The following FMN1 variants were observed in gnomAD, a reference collection of about 807,000 sequenced individuals.
The protein encoded by FMN1 is formin-1.
FMN1 carries 110 observed loss-of-function variants against 132.4 expected under a neutral mutation model. The ratio of observed to expected loss-of-function variants is 0.83; its 90% CI spans 0.71 to 0.97. The LOEUF (loss-of-function observed/expected upper bound fraction) is 0.97, where lower values mean the gene tolerates loss of function less well. FMN1 is among the 50% of genes least tolerant of loss of function. FMN1 has a pLI of 0.00. For missense variants in FMN1, 1,792 were observed against 1,705.3 expected, an observed-to-expected ratio of 1.05 and a Z score of -0.90; for synonymous variants, 722 against 651.7, an observed-to-expected ratio of 1.11 and a Z score of -1.64.
intron 17 of FMN1, among the ~76,000 whole-genome samples, chr15:32,842,289 C>CTGGCT (rs71113477): frequency 0.025 from 3,860 of 152,262 alleles, 57 homozygotes; most frequent in Non-Finnish European, 0.035. Context: ...CAGAGATGCC[C>CTGGCT]AGCCAAGCCC....
At chr15:33,033,548 A>G (rs1343164249) in intron 6 of FMN1, among the ~76,000 whole-genome samples, 3 of 151,580 alleles carry the variant, frequency 2.0e-5, no homozygotes, top group Admixed American at 1.3e-4. Flanking sequence ...CCTACATCAA[A>G]TTTTCCCTCT....
intron 6 of FMN1, among the ~76,000 whole-genome samples, chr15:33,033,394 T>A (rs2036037427): frequency 6.6e-6 from 1 of 152,140 alleles, no homozygotes; most frequent in Non-Finnish European, 1.5e-5. Flanking sequence ...AACTTGCACA[T>A]CCTCCCGCCT....
intron 4 of FMN1, among the ~76,000 whole-genome samples, chr15:33,131,397 T>C (rs1181266009): frequency 6.6e-6 from 1 of 151,978 alleles, no homozygotes; most frequent in Non-Finnish European, 1.5e-5. Flanking sequence ...ATTATTTTTA[T>C]TGACTTTTAT....
chr15:32,921,661 C>T (rs1427545571), intron 10 of FMN1, among the ~76,000 whole-genome samples: 1 of 149,186 alleles, frequency 6.7e-6, no homozygotes, highest in African/African-American at 2.5e-5. Flanking sequence ...CTATATACTC[C>T]AGCTGTGTCT....
chr15:33,038,837 G>A (rs2036299206), intron 6 of FMN1, among the ~76,000 whole-genome samples: 1 of 152,158 alleles, frequency 6.6e-6, no homozygotes, highest in Admixed American at 6.5e-5. Flanking sequence ...TGGAAGCTGA[G>A]GATCTGGAAA....
rs76233036 is a variant in FMN1, at chr15:32,823,023, G to C, written c.3929-18691C>G. Among the ~76,000 whole-genome samples the C allele has an allele frequency of 5.8e-3, 887 of 152,258 alleles. 22 individuals carry two copies. The highest frequency in any genetic ancestry group is 0.037 in the Admixed American group (571 of 15,298). ...CAGCTACTCTATCTTGGGGAGAACA[G>C]AGGAGGGCAGAATGTTCCATGGGGC... On this transcript the variant is annotated intron_variant, in intron 17 of 20. Transcript: ENST00000616417.
chr15:32,792,421 G>A (rs1212158414), intron 19 of FMN1, among the ~76,000 whole-genome samples: 1 of 151,812 alleles, frequency 6.6e-6, no homozygotes, highest in Non-Finnish European at 1.5e-5. Context: ...CTCCAGCCTG[G>A]GCGACAGAGC....
intron 17 of FMN1, among the ~76,000 whole-genome samples, chr15:32,846,087 T>A (rs1258786): frequency 0.98 from 149,091 of 152,328 alleles, 73,030 homozygotes; most frequent in East Asian, 1. Flanking sequence ...TACATTCAGA[T>A]CACTTAAAAA....
chr15:32,774,522 C>T (rs541623758), intron 20 of FMN1, among the ~76,000 whole-genome samples, 168 bp from the exon 21 acceptor site: 2 of 136,988 alleles, frequency 1.5e-5, no homozygotes, highest in Non-Finnish European at 3.1e-5. Flanking sequence ...TCTGCCCCTC[C>T]CTACCTATCA....
chr15:32,849,664 C>A (rs1033200128), intron 17 of FMN1, among the ~76,000 whole-genome samples: 4 of 147,812 alleles, frequency 2.7e-5, no homozygotes, highest in Non-Finnish European at 1.5e-5. Flanking sequence ...GCTTTCTTTT[C>A]TTTATTTTTT....
At chr15:32,929,963 T>C (rs925681176) in intron 9 of FMN1, among the ~76,000 whole-genome samples, 2 of 151,066 alleles carry the variant, frequency 1.3e-5, no homozygotes, top group Non-Finnish European at 1.5e-5. Context: ...ATGGATCATA[T>C]GGTAGTTCTA....
At chr15:32,806,337 T>C (rs958037121) in intron 17 of FMN1, among the ~76,000 whole-genome samples, 62 of 152,348 alleles carry the variant, frequency 4.1e-4, no homozygotes, top group Non-Finnish European at 1.6e-4. Flanking sequence ...TGCTTAGTTA[T>C]TGCCTCATCT....
chr15:33,070,224 C>T (rs1341908834), intron 5 of FMN1, among the ~76,000 whole-genome samples: 2 of 151,358 alleles, frequency 1.3e-5, no homozygotes, highest in Non-Finnish European at 2.9e-5. Flanking sequence ...AGGCTGGTCT[C>T]GAACTCGTGG....
intron 4 of FMN1, among the ~76,000 whole-genome samples, chr15:33,128,311 C>T (rs996990860): frequency 8.5e-5 from 13 of 152,296 alleles, no homozygotes; most frequent in Admixed American, 1.3e-4. Context: ...GCTGACTAGG[C>T]CCGACCATCA....
chr15:33,043,968 T>C (rs2036561845), intron 6 of FMN1, among the ~76,000 whole-genome samples: 1 of 152,230 alleles, frequency 6.6e-6, no homozygotes, highest in African/African-American at 2.4e-5. Context: ...GAAGTCCCCC[T>C]TTCCCTACAG....
chr15:32,848,977 G>GTTTTTTTTTT (rs71113479), intron 17 of FMN1, among the ~76,000 whole-genome samples: 12 of 89,570 alleles, frequency 1.3e-4, no homozygotes, highest in Non-Finnish European at 1.9e-4. Context: ...GTTCTCTTTT[G>GTTTTTTTTTT]TTTTTTTTTT....
chr15:32,874,449 T>C (rs2059592794), intron 16 of FMN1, among the ~76,000 whole-genome samples: 1 of 152,198 alleles, frequency 6.6e-6, no homozygotes. Flanking sequence ...AGGTATATAA[T>C]GCCTTGAAAC....
intron 10 of FMN1, among the ~76,000 whole-genome samples, chr15:32,914,501 C>T (rs2060637114): frequency 6.6e-6 from 1 of 152,058 alleles, no homozygotes; most frequent in African/African-American, 2.4e-5. Flanking sequence ...TGGGGTAAAA[C>T]CTTGTAGAAT....
At chr15:33,041,805 T>C (rs76017144) in intron 6 of FMN1, among the ~76,000 whole-genome samples, 8 of 152,254 alleles carry the variant, frequency 5.3e-5, no homozygotes, top group Non-Finnish European at 7.4e-5. Flanking sequence ...TTAATGCACA[T>C]AGTGTCAGTT....
Sources: gnomAD v4.1 joint callset for allele counts (sites outside exome capture counted in the v4.1 genomes callset) on GRCh38, gnomAD v4.1.1 for gene constraint, MANE v1.5 for transcripts, NCBI Gene and HGNC (gene_info 2026-07-23, HGNC 2026-07-21) for gene names.